ZNF732: variants seen among roughly 807,000 people sequenced by gnomAD.
The protein encoded by ZNF732 is zinc finger protein 732, also known as zinc finger protein LOC654254.
In ZNF732, 12 loss-of-function variants were observed where a neutral mutation model predicts 11.5. That is an observed-to-expected ratio of 1.05 (90% CI 0.67 to 1.70). The LOEUF (loss-of-function observed/expected upper bound fraction) is 1.70. Among genes scored for constraint, ZNF732 ranks in the 40% most tolerant of loss-of-function variants. The pLI, the probability that ZNF732 is intolerant of heterozygous loss-of-function variation, is 0.00. For synonymous variants in ZNF732, 231 were observed against 236.5 expected, an observed-to-expected ratio of 0.98 and a Z score of 0.21; for missense variants, 702 against 676.9, an observed-to-expected ratio of 1.04 and a Z score of -0.41.
In ZNF732 at chr4:305,466, G is replaced by C. The variant is rs1560167333; in HGVS notation, c.-156C>G. 9.7e-7 allele frequency: 1 copy of C among 1,031,730 alleles called. No homozygotes were observed. The highest frequency in any genetic ancestry group is 1.4e-6 in the Non-Finnish European group (1 of 721,650). 63.9% of individuals were successfully genotyped at this position (1,031,730 alleles called of 1,614,324 possible). On this transcript the variant is annotated 5_prime_UTR_variant, in exon 1 of 4. Transcript: ENST00000419098. Reference sequence around the variant, plus strand: ...AGACCCTAACCGAGCTCACGCTGGCGCAAAAGGCAAAAGCCGCGCCAGATC... The same window carrying C: ...AGACCCTAACCGAGCTCACGCTGGCCCAAAAGGCAAAAGCCGCGCCAGATC...
At chr4:283,950 G>A (rs113847214) in intron 3 of ZNF732, among the ~76,000 whole-genome samples, 7,543 of 151,610 alleles carry the variant, frequency 0.05, 271 homozygotes, top group Non-Finnish European at 0.082. Flanking sequence ...TTGCTCTGTC[G>A]CCCAGGCTGT....
intron 3 of ZNF732, among the ~76,000 whole-genome samples, chr4:288,584 C>G (rs1553840942): frequency 6.6e-6 from 1 of 152,088 alleles, no homozygotes; most frequent in Non-Finnish European, 1.5e-5. Context: ...GTTCTCTGTT[C>G]TGTTCTATCA....
At chr4:278,208 T>C (rs1039812254) in intron 3 of ZNF732, among the ~76,000 whole-genome samples, 1 of 152,088 alleles carries the variant, frequency 6.6e-6, no homozygotes, top group Non-Finnish European at 1.5e-5. Flanking sequence ...GTCTCAACAA[T>C]AACTTTTTGA....
At position 271,687 on chromosome 4, in the gene ZNF732, G is replaced by A; in HGVS notation, c.1170C>T (p.Tyr390=). 6.2e-7 allele frequency: 1 copy of A among 1,612,390 alleles called. No homozygotes were observed. The highest frequency in any genetic ancestry group is 2.2e-5 in the East Asian group (1 of 44,824). Reference sequence around the variant, plus strand: ...AGGCTTTTCCACATTCTTCACATGTGTAGGGTTTCTCTCCAGTATGAATAC... The same window carrying A: ...AGGCTTTTCCACATTCTTCACATGTATAGGGTTTCTCTCCAGTATGAATAC... ...HKSIHTGEKP[Y]TCEECGKAFS... Residue 390 remains tyrosine (Y), a synonymous_variant, in exon 4 of 4, where the codon TAC becomes TAT. Coordinates refer to ENST00000419098, the MANE Select transcript of ZNF732 (RefSeq NM_001137608.3).
chr4:278,322 T>A (rs1719543334), intron 3 of ZNF732, among the ~76,000 whole-genome samples: 1 of 152,216 alleles, frequency 6.6e-6, no homozygotes, highest in South Asian at 2.1e-4. Context: ...CTTTACATAT[T>A]TACACATGCA....
Position 272,341 on chromosome 4 carries a change from A to G in ZNF732, c.516T>C (p.Cys172=). 6.2e-7 allele frequency: 1 copy of G among 1,609,664 alleles called. No individual in the cohort carries two copies. Among genetic ancestry groups the G allele is most frequent in the Non-Finnish European group, 8.5e-7 (1 of 1,177,400 alleles). ...RHTGEKHFKE[C]GKSFQKFSDL... ...CTGAGAACTTCTGAAATGACTTGCCACATTCTTTAAAGTGTTTCTCTCCAG... is the reference window on the plus strand; with the variant it reads ...CTGAGAACTTCTGAAATGACTTGCCGCATTCTTTAAAGTGTTTCTCTCCAG... The change falls in exon 4 of 4, where the codon TGT becomes TGC. Residue 172 remains cysteine, a synonymous_variant. Transcript: ENST00000419098.
At chr4:302,347 T>C (rs982424960) in intron 1 of ZNF732, among the ~76,000 whole-genome samples, 11 of 152,120 alleles carry the variant, frequency 7.2e-5, no homozygotes, top group Non-Finnish European at 1.5e-4. Context: ...TAAACCAAAA[T>C]GTGATGTGCA....
At position 271,725 on chromosome 4, in the gene ZNF732, T is replaced by C. The variant is rs61792089; in HGVS notation, c.1132A>G (p.Asn378Asp). Reference protein sequence around the residue: ...GKAFRQSATLNKHKSIHTGEK... With the variant: ...GKAFRQSATLDKHKSIHTGEK... ...CCAGTATGAATACTCTTATGTTTAT[T>C]AAGGGTTGCGGATTGTCTAAAGGCT... The change falls in exon 4 of 4, where the codon AAT (asparagine) becomes GAT (aspartate). Residue 378 changes from asparagine (N) to aspartate (D), a missense_variant. Asn to Asp is a conservative substitution (Grantham distance 23). This residue lies in a region of ZNF732 where 596 missense variants were observed against 557.9 expected (regional missense o/e 1.07). Transcript: ENST00000419098. 3 of 1,612,164 alleles carry C rather than the reference T, an allele frequency of 1.9e-6. No homozygotes were observed. The highest frequency in any genetic ancestry group is 2.5e-6 in the Non-Finnish European group (3 of 1,178,854).
chr4:271,519 G>T lies in ZNF732; in HGVS notation c.1338C>A (p.Tyr446Ter). ...HKIIHTGEKPYKCEECGKAFG... is the reference protein window; with the variant it reads ...HKIIHTGEKP The stretch of plus-strand genomic sequence containing the variant: ...AGGCTTTGCCACACTCTTCACATTT[G>T]TAAGGTTTCTCTCCAGTATGAATTA... Residue 446 changes from tyrosine (Y) to a stop codon, truncating the protein, a stop_gained, in exon 4 of 4, where the codon TAC (tyrosine) becomes TAA (stop). Coordinates refer to ENST00000419098, the MANE Select transcript of ZNF732 (RefSeq NM_001137608.3). LOFTEE classifies it low-confidence loss of function (END_TRUNC). 1 of 1,610,436 alleles carries T rather than the reference G, an allele frequency of 6.2e-7. No individual in the cohort carries two copies.
intron 3 of ZNF732, among the ~76,000 whole-genome samples, chr4:293,310 G>GTGTA (rs1560162782): frequency 1.6e-4 from 21 of 132,886 alleles, no homozygotes; most frequent in African/African-American, 6.5e-4. Context: ...GTGTGTGTGT[G>GTGTA]TATATATATA....
Position 272,206 on chromosome 4 carries a change from A to T in ZNF732, c.651T>A (p.His217Gln), listed in dbSNP as rs377745654. 1 of 1,613,060 alleles carries T rather than the reference A, an allele frequency of 6.2e-7. No individual in the cohort carries two copies. The highest frequency in any genetic ancestry group is 1.3e-5 in the African/African-American group (1 of 74,862). ...YLIFNEYEII[H>Q]TGEKPFTCEE... ...CACATGTGAAGGGTTTCTCTCCAGT[A>T]TGAATTATCTCATATTCATTAAAGA... is the stretch of plus-strand genomic sequence containing the variant. The change falls in exon 4 of 4, where the codon CAT (histidine) becomes CAA (glutamine). Residue 217 changes from histidine to glutamine, a missense_variant. This residue lies in a region of ZNF732 where 596 missense variants were observed against 557.9 expected (regional missense o/e 1.07). Coordinates refer to ENST00000419098, the MANE Select transcript of ZNF732 (RefSeq NM_001137608.3).
rs2108651486 is a variant in ZNF732, at chr4:272,510, C to G, written c.347G>C (p.Ser116Thr). Residue 116 changes from serine to threonine, a missense_variant, in exon 4 of 4, where the codon AGC (serine) becomes ACC (threonine). Physicochemically the swap from Ser to Thr is moderately conservative, Grantham distance 58 (BLOSUM62 1). This residue lies in a region of ZNF732 where 596 missense variants were observed against 557.9 expected (regional missense o/e 1.07). Transcript: ENST00000419098. ...CGHENLELRK[S>T]CKRKVQKGGY... is the part of the protein sequence containing the mutation. The stretch of plus-strand genomic sequence containing the variant: ...TCCTTTCTGCACCTTCCTTTTACAG[C>G]TTTTTCTTAATTCTAAATTCTCATG... The G allele has an allele frequency of 1.9e-6, 3 of 1,601,932 alleles. No homozygotes were observed. Among genetic ancestry groups the G allele is most frequent in the Non-Finnish European group, 2.6e-6 (3 of 1,173,604 alleles).
chr4:279,052 T>C (rs1719562199), intron 3 of ZNF732, among the ~76,000 whole-genome samples: 1 of 152,140 alleles, frequency 6.6e-6, no homozygotes, highest in Non-Finnish European at 1.5e-5. Context: ...GTGTGTCTTT[T>C]CTTCTCCCCT....
chr4:270,768 G>T lies in ZNF732; in HGVS notation c.*331C>A. 6.1e-6 allele frequency: 3 copies of T among 491,250 alleles called. No individual in the cohort carries two copies. The highest frequency in any genetic ancestry group is 7.7e-6 in the Non-Finnish European group (2 of 258,648). The allele number at this position is 491,250 out of a possible 1,614,324, so 30.4% of individuals were successfully genotyped here. The stretch of plus-strand genomic sequence containing the variant: ...CTTTCCCACATTCTTTACATTTGTA[G>T]GATTCATCTCCCATATGAATTTTCT... On this transcript the variant is annotated 3_prime_UTR_variant, in exon 4 of 4. Coordinates refer to ENST00000419098, the MANE Select transcript of ZNF732 (RefSeq NM_001137608.3).
At chr4:288,194 G>T (rs1007263761) in intron 3 of ZNF732, among the ~76,000 whole-genome samples, 8 of 151,384 alleles carry the variant, frequency 5.3e-5, no homozygotes, top group Non-Finnish European at 8.8e-5. Flanking sequence ...TTTTGCTTTT[G>T]TGCTTCTTAG....
chr4:296,075 CA>C lies in ZNF732; in HGVS notation c.83del (p.Leu28CysfsTer5), dbSNP rs1553842235. 3.7e-6 allele frequency: 6 copies of C among 1,613,974 alleles called. No individual in the cohort carries two copies. The South Asian group carries it at 5.5e-5, about 15-fold the overall frequency. On this transcript the variant is annotated frameshift_variant, in exon 2 of 4. Coordinates refer to ENST00000419098, the MANE Select transcript of ZNF732 (RefSeq NM_001137608.3). LOFTEE classifies it high-confidence loss of function. ...WKCLDPAQQN[L>X]YRDVMLENYR... ...AGTTCTCCAACATCACATCTCTATACAAATTCTGCTGGGCAGGGTCCAGGCA... is the reference window on the plus strand; with the variant it reads ...AGTTCTCCAACATCACATCTCTATACAATTCTGCTGGGCAGGGTCCAGGCA...
intron 1 of ZNF732, among the ~76,000 whole-genome samples, chr4:300,204 G>A (rs773644307): frequency 8.7e-5 from 13 of 149,876 alleles, no homozygotes; most frequent in East Asian, 4.0e-4. Context: ...GGCTCACGCC[G>A]GTAATCCCAG....
intron 3 of ZNF732, among the ~76,000 whole-genome samples, chr4:273,444 A>G (rs782089121): frequency 2.2e-4 from 33 of 152,128 alleles, no homozygotes; most frequent in Non-Finnish European, 4.3e-4. Flanking sequence ...AATTTTTCAG[A>G]AAACAACCAT....
At position 272,162 on chromosome 4, in the gene ZNF732, A is replaced by G. The variant is rs1553837809; in HGVS notation, c.695T>C (p.Phe232Ser). The G allele has an allele frequency of 4.3e-6, 7 of 1,613,520 alleles. No homozygotes were observed. The highest frequency in any genetic ancestry group is 1.3e-5 in the African/African-American group (1 of 75,004). Residue 232 changes from phenylalanine to serine, a missense_variant, in exon 4 of 4, where the codon TTT becomes TCT. Physicochemically the swap from Phe to Ser is radical, Grantham distance 155 (BLOSUM62 -2). Around this residue, in one of 3 missense-constraint regions of ZNF732, gnomAD observed 596 missense variants for 557.9 expected, o/e 1.07. Transcript: ENST00000419098. ...PFTCEECGNI[F>S]TTSSNFAKHK... is the part of the protein sequence containing the mutation. ...TTTAGCAAAGTTTGAGGATGTGGTA[A>G]AGATGTTGCCACATTCTTCACATGT...
Sources: allele counts gnomAD v4.1 joint callset (sites outside exome capture counted in the v4.1 genomes callset), GRCh38; gene constraint gnomAD v4.1.1; regional missense constraint gnomAD v4.1.1; transcripts MANE v1.5; gene names NCBI Gene and HGNC (gene_info 2026-07-23, HGNC 2026-07-21).